PDE8A: variants seen among roughly 807,000 people sequenced by gnomAD.
PDE8A encodes high affinity cAMP-specific and IBMX-insensitive 3',5'-cyclic phosphodiesterase 8A.
A neutral mutation model predicts 105.0 loss-of-function variants in PDE8A; 59 were observed. The ratio of observed to expected loss-of-function variants is 0.56; its 90% CI spans 0.46 to 0.70. PDE8A has a LOEUF of 0.70. PDE8A is among the 30% of genes least tolerant of loss of function. The pLI is 0.00. For synonymous variants in PDE8A, 355 were observed against 371.9 expected (o/e 0.95, Z 0.52); for missense variants, 1,014 against 1,045.9 (o/e 0.97, Z 0.42).
chr15:85,131,685 A>T (rs1333053900), intron 20 of PDE8A, among the ~76,000 whole-genome samples: 1 of 152,172 alleles, frequency 6.6e-6, no homozygotes, highest in Admixed American at 6.5e-5. Context: ...TTTCCCATGT[A>T]TTTACCATTA....
intron 1 of PDE8A, among the ~76,000 whole-genome samples, chr15:84,990,319 ATC>A (rs1223989510): frequency 6.6e-6 from 1 of 152,194 alleles, no homozygotes; most frequent in Non-Finnish European, 1.5e-5. Flanking sequence ...TGTACTATGA[ATC>A]TCTGTCAAGA....
At chr15:84,994,215 T>G (rs1195955438) in intron 1 of PDE8A, among the ~76,000 whole-genome samples, 1 of 152,264 alleles carries the variant, frequency 6.6e-6, no homozygotes, top group African/African-American at 2.4e-5. Context: ...GGTTTGCTCT[T>G]TTTTCTTAAT....
chr15:85,093,112 C>T (rs1179522844), intron 8 of PDE8A, among the ~76,000 whole-genome samples: 1 of 152,100 alleles, frequency 6.6e-6, no homozygotes, highest in Non-Finnish European at 1.5e-5. Context: ...TGTATGTTGT[C>T]CAGGTTGGTC....
intron 3 of PDE8A, among the ~76,000 whole-genome samples, chr15:85,071,395 T>C (rs1260067631): frequency 6.6e-6 from 1 of 152,242 alleles, no homozygotes; most frequent in African/African-American, 2.4e-5. Context: ...CTTTACTTTC[T>C]GCATCTACTC....
chr15:85,043,919 G>A (rs190714750), intron 1 of PDE8A, among the ~76,000 whole-genome samples: 1,597 of 152,196 alleles, frequency 0.01, 16 homozygotes, highest in Middle Eastern at 0.037. Context: ...GGCTGGTCTC[G>A]AACTCCTGAC....
intron 20 of PDE8A, among the ~76,000 whole-genome samples, chr15:85,129,704 C>A (rs1311640070): frequency 6.6e-6 from 1 of 151,788 alleles, no homozygotes; most frequent in Non-Finnish European, 1.5e-5. Flanking sequence ...TACCTCTGTT[C>A]TTTATTATTT....
intron 1 of PDE8A, among the ~76,000 whole-genome samples, chr15:84,999,277 T>A (rs1453558313): frequency 2.6e-5 from 4 of 151,660 alleles, no homozygotes; most frequent in Non-Finnish European, 5.9e-5. Context: ...CCTGCCACCA[T>A]GCCTAGCTAA....
intron 1 of PDE8A, among the ~76,000 whole-genome samples, chr15:85,043,576 C>T (rs558188543): frequency 3.3e-5 from 5 of 152,232 alleles, no homozygotes; most frequent in South Asian, 2.1e-4. Context: ...TTTAACATTT[C>T]GGGAAAACTT....
chr15:85,121,517 G>C (rs114416984), intron 18 of PDE8A, among the ~76,000 whole-genome samples: 2 of 152,114 alleles, frequency 1.3e-5, no homozygotes, highest in Admixed American at 6.5e-5. Flanking sequence ...AATTATTTGC[G>C]TAATGTCTGA....
intron 1 of PDE8A, among the ~76,000 whole-genome samples, chr15:85,043,916 C>T (rs948728593): frequency 5.3e-5 from 8 of 152,178 alleles, no homozygotes; most frequent in Non-Finnish European, 1.2e-4. Context: ...CCAGGCTGGT[C>T]TCGAACTCCT....
chr15:85,097,729 C>T, intron 8 of PDE8A: 1 of 503,678 alleles, frequency 2.0e-6, no homozygotes, highest in Non-Finnish European at 3.5e-6. Context: ...TATATGACCA[C>T]TTAGACTATG....
intron 14 of PDE8A, 37 bp downstream of exon 14, chr15:85,114,074 T>C (rs917673395): frequency 6.3e-7 from 1 of 1,575,092 alleles, no homozygotes; most frequent in Non-Finnish European, 8.7e-7. Context: ...CTAGAGCCTG[T>C]CTGTTCTTGG....
At position 85,100,553 on chromosome 15, in the gene PDE8A, CACTT is replaced by C. The variant is rs147616109; in HGVS notation, c.1036+358_1036+361del. On this transcript the variant is annotated intron_variant, in intron 11 of 21. Coordinates refer to ENST00000394553, the MANE Select transcript of PDE8A (RefSeq NM_002605.3). ...ACAGGGATGTCTTCATCTGTCCTGA[CACTT>C]ACCACTGCCAGCCTGCAGGGAGGTA... Among the ~76,000 whole-genome samples the C allele has an allele frequency of 6.1e-3, 926 of 152,364 alleles. 8 individuals carry two copies. Among genetic ancestry groups the C allele is most frequent in the African/African-American group, 0.021 (893 of 41,584 alleles).
chr15:85,014,890 C>G (rs1362304668), intron 1 of PDE8A, among the ~76,000 whole-genome samples: 1 of 152,014 alleles, frequency 6.6e-6, no homozygotes, highest in Non-Finnish European at 1.5e-5. Flanking sequence ...TCAAAGAAAC[C>G]CTGTACCTAA....
At chr15:85,093,458 G>A (rs931411090) in intron 8 of PDE8A, among the ~76,000 whole-genome samples, 20 of 152,192 alleles carry the variant, frequency 1.3e-4, no homozygotes, top group Admixed American at 2.6e-4. Flanking sequence ...GGGGAATTCA[G>A]GCATCTGCTG....
At chr15:85,124,904 CATT>C (rs1286604388) in intron 19 of PDE8A, among the ~76,000 whole-genome samples, 1 of 152,222 alleles carries the variant, frequency 6.6e-6, no homozygotes, top group Non-Finnish European at 1.5e-5. Context: ...CTCCACTTAA[CATT>C]ATGGTTCTCA....
chr15:85,068,162 T>C (rs1184741656), intron 3 of PDE8A, among the ~76,000 whole-genome samples: 1 of 152,102 alleles, frequency 6.6e-6, no homozygotes, highest in Non-Finnish European at 1.5e-5. Context: ...TGCCTCAGCC[T>C]CCCAAGTAGC....
chr15:85,047,594 G>A (rs1441932540), intron 1 of PDE8A, among the ~76,000 whole-genome samples: 1 of 152,156 alleles, frequency 6.6e-6, no homozygotes, highest in Non-Finnish European at 1.5e-5. Context: ...TTTTTACGTG[G>A]CAAAATTCAT....
intron 1 of PDE8A, among the ~76,000 whole-genome samples, chr15:85,029,257 A>AT (rs1300027765): frequency 6.6e-6 from 1 of 151,994 alleles, no homozygotes. Context: ...AGCCAGGACT[A>AT]TTTTTTTAAT....
Sources: allele counts gnomAD v4.1 joint callset (sites outside exome capture counted in the v4.1 genomes callset), GRCh38; gene constraint gnomAD v4.1.1; transcripts MANE v1.5; gene names NCBI Gene and HGNC (gene_info 2026-07-23, HGNC 2026-07-21).